The following PLAC1 variants were observed in gnomAD, a reference collection of about 807,000 sequenced individuals.
PLAC1 encodes the protein placenta-specific protein 1.
For synonymous variants in PLAC1, 68 were observed against 62.1 expected (o/e 1.09, Z -0.44); for missense variants, 136 against 163.2 (o/e 0.83, Z 0.91).
intron 2 of PLAC1, among the ~76,000 whole-genome samples, chrX:134,599,853 GGGA>G (rs1304157829): frequency 9.0e-6 from 1 of 111,627 alleles, no homozygotes; most frequent in East Asian, 2.8e-4. Context: ...TACACAGGAA[GGGA>G]GGGATTTGTG....
At chrX:134,730,056 G>A (rs1417212339) in intron 2 of PLAC1, among the ~76,000 whole-genome samples, 1 of 111,763 alleles carries the variant, frequency 8.9e-6, no homozygotes. Flanking sequence ...CTCCCAAAGT[G>A]CTGGGATTAC....
intron 2 of PLAC1, among the ~76,000 whole-genome samples, chrX:134,679,299 G>A (rs772233977): frequency 1.8e-5 from 2 of 111,179 alleles, no homozygotes; most frequent in African/African-American, 3.3e-5. Context: ...GAGGGATGTC[G>A]AGTAGGCCGT....
intron 1 of PLAC1, among the ~76,000 whole-genome samples, chrX:134,652,838 G>C (rs2078370340): frequency 9.0e-6 from 1 of 111,305 alleles, no homozygotes; most frequent in Non-Finnish European, 1.9e-5. Flanking sequence ...CAAAACTGTG[G>C]ATTTCTTAAG....
chrX:134,756,745 A>G (rs933195541), intron 1 of PLAC1, among the ~76,000 whole-genome samples: 28 of 109,072 alleles, frequency 2.6e-4, no homozygotes, highest in Non-Finnish European at 4.4e-4. Context: ...GCTACTCAGG[A>G]GGCTGAGGCA....
chrX:134,590,752 C>A (rs779361523), intron 2 of PLAC1, among the ~76,000 whole-genome samples: 81 of 110,816 alleles, frequency 7.3e-4, no homozygotes, highest in Non-Finnish European at 1.2e-3. Context: ...ACTACAGGCT[C>A]AAGCCAGGAC....
At chrX:134,570,327 G>T (rs771538019) in intron 2 of PLAC1, among the ~76,000 whole-genome samples, 68 of 111,549 alleles carry the variant, frequency 6.1e-4, no homozygotes, top group Non-Finnish European at 1.2e-3. Context: ...AGAAGAGAGG[G>T]CTGTGTGGGG....
intron 1 of PLAC1, among the ~76,000 whole-genome samples, chrX:134,646,340 T>C (rs968758715): frequency 1.8e-5 from 2 of 112,422 alleles, no homozygotes; most frequent in Non-Finnish European, 3.8e-5. Context: ...TGTCCTTGAC[T>C]TCCCTTTTCC....
chrX:134,704,445 A>T (rs1446442003), intron 2 of PLAC1, among the ~76,000 whole-genome samples: 2 of 103,596 alleles, frequency 1.9e-5, no homozygotes, highest in South Asian at 9.1e-4. Context: ...GTGAGCTGAG[A>T]TTGCAACATT....
At chrX:134,747,998 G>T (rs759271587) in intron 1 of PLAC1, among the ~76,000 whole-genome samples, 2 of 111,973 alleles carry the variant, frequency 1.8e-5, no homozygotes, top group African/African-American at 3.2e-5. Flanking sequence ...CTAATGCCAG[G>T]TTCTCTCTGT....
chrX:134,635,174 T>C (rs2078277899), intron 1 of PLAC1, among the ~76,000 whole-genome samples: 1 of 111,548 alleles, frequency 9.0e-6, no homozygotes, highest in Non-Finnish European at 1.9e-5. Context: ...AATATATAAT[T>C]ATAAAACATA....
At chrX:134,607,994 T>C (rs528101036) in intron 1 of PLAC1, among the ~76,000 whole-genome samples, 112 of 111,940 alleles carry the variant, frequency 1.0e-3, no homozygotes, top group Middle Eastern at 4.6e-3. Context: ...GACTGAACCA[T>C]AAAAATGGAG....
intron 2 of PLAC1, among the ~76,000 whole-genome samples, chrX:134,589,074 T>G (rs2078021237): frequency 9.0e-6 from 1 of 111,347 alleles, no homozygotes; most frequent in South Asian, 3.8e-4. Flanking sequence ...TTTCTCCCAC[T>G]GGTGGAATCT....
chrX:134,685,625 A>G (rs1602907468), intron 2 of PLAC1, among the ~76,000 whole-genome samples: 1 of 110,432 alleles, frequency 9.1e-6, no homozygotes, highest in Non-Finnish European at 1.9e-5. Flanking sequence ...CAAGGCTTAA[A>G]AGGCTATTCA....
intron 1 of PLAC1, among the ~76,000 whole-genome samples, chrX:134,619,414 AG>A (rs1422069804): frequency 9.0e-6 from 1 of 111,401 alleles, no homozygotes; most frequent in Non-Finnish European, 1.9e-5. Context: ...GCACTTTGGG[AG>A]GGCGAGGTGA....
intron 1 of PLAC1, among the ~76,000 whole-genome samples, chrX:134,734,447 C>T (rs763399897): frequency 1.8e-5 from 2 of 112,532 alleles, no homozygotes; most frequent in Non-Finnish European, 3.8e-5. Context: ...CAGGCTTAGT[C>T]CCCCACTCCA....
At chrX:134,633,401 T>C (rs2078270651) in intron 1 of PLAC1, among the ~76,000 whole-genome samples, 1 of 112,090 alleles carries the variant, frequency 8.9e-6, no homozygotes, top group East Asian at 2.8e-4. Context: ...AAGTAGAGAT[T>C]AGCAGTTTCA....
chrX:134,675,214 T>C (rs753122633), intron 2 of PLAC1, among the ~76,000 whole-genome samples: 7 of 112,434 alleles, frequency 6.2e-5, no homozygotes, highest in African/African-American at 2.3e-4. Flanking sequence ...AAAAGTAAGC[T>C]ATTACACCTG....
intron 1 of PLAC1, among the ~76,000 whole-genome samples, chrX:134,642,063 C>T (rs1383762261): frequency 9.0e-6 from 1 of 111,574 alleles, no homozygotes; most frequent in Non-Finnish European, 1.9e-5. Flanking sequence ...TAAAGAAGCC[C>T]TGGGGCAGCC....
chrX:134,590,590 G>C (rs187644954), intron 2 of PLAC1, among the ~76,000 whole-genome samples: 1 of 111,582 alleles, frequency 9.0e-6, no homozygotes, highest in South Asian at 3.8e-4. Context: ...CTATTCTCGG[G>C]ATCTGGCAAG....
Sources: gnomAD v4.1 joint callset for allele counts (sites outside exome capture counted in the v4.1 genomes callset) on GRCh38, gnomAD v4.1.1 for gene constraint, MANE v1.5 for transcripts, NCBI Gene and HGNC (gene_info 2026-07-23, HGNC 2026-07-21) for gene names.